ANK3: variants seen among roughly 807,000 people sequenced by gnomAD.
ANK3 encodes ankyrin-3.
In ANK3, 57 loss-of-function variants were observed where a neutral mutation model predicts 370.9. The observed-to-expected ratio is 0.15, with a 90% CI of 0.12 to 0.19. ANK3 has a LOEUF of 0.19. Ranked by LOEUF, ANK3 falls within the 10% of genes least tolerant of loss-of-function variation. ANK3 has a pLI of 1.00. For synonymous variants in ANK3, 1,929 were observed against 1,946.3 expected, an observed-to-expected ratio of 0.99 and a Z score of 0.23; for missense variants, 4,439 against 5,302.1, an observed-to-expected ratio of 0.84 and a Z score of 5.06.
At chr10:60,473,848 C>T (rs1177153411) in intron 2 of ANK3, among the ~76,000 whole-genome samples, 1 of 151,328 alleles carries the variant, frequency 6.6e-6, no homozygotes, top group East Asian at 1.9e-4. Flanking sequence ...TTTGAATAAA[C>T]AGGCTAGGTG....
chr10:60,554,208 A>AC (rs1329089085), intron 2 of ANK3, among the ~76,000 whole-genome samples: 5 of 151,948 alleles, frequency 3.3e-5, no homozygotes, highest in Non-Finnish European at 7.4e-5. Flanking sequence ...TATGCTTTTT[A>AC]TTTTTTTCAT....
intron 1 of ANK3, among the ~76,000 whole-genome samples, chr10:60,353,153 GTTTTGTTTTTT>G (rs1413730826): frequency 1.5e-5 from 2 of 135,868 alleles, no homozygotes; most frequent in Middle Eastern, 7.7e-3. Context: ...GCTAATTTTT[GTTTTGTTTTTT>G]TTTTTTTTTT....
chr10:60,377,242 C>A (rs980397372), intron 1 of ANK3, among the ~76,000 whole-genome samples: 2 of 152,214 alleles, frequency 1.3e-5, no homozygotes, highest in African/African-American at 4.8e-5. Flanking sequence ...TTCCTTTCAG[C>A]ATGTCCTGTC....
chr10:60,658,658 C>A (rs1308511497), intron 1 of ANK3, among the ~76,000 whole-genome samples: 1 of 152,130 alleles, frequency 6.6e-6, no homozygotes, highest in Non-Finnish European at 1.5e-5. Context: ...CAGCTGGTAT[C>A]ATTTCCCTTC....
intron 1 of ANK3, among the ~76,000 whole-genome samples, chr10:60,630,929 C>T (rs920136367): frequency 5.9e-5 from 9 of 152,072 alleles, no homozygotes; most frequent in East Asian, 1.9e-4. Flanking sequence ...GTGCCAAGGA[C>T]GTGGCACTGC....
chr10:60,469,380 T>TAC (rs1567067331), intron 2 of ANK3, among the ~76,000 whole-genome samples: 1 of 68,666 alleles, frequency 1.5e-5, no homozygotes, highest in African/African-American at 5.2e-5. Flanking sequence ...TATATATATA[T>TAC]ATATACCACT....
intron 4 of ANK3, among the ~76,000 whole-genome samples, chr10:60,274,487 A>G (rs1182538313): frequency 6.6e-6 from 1 of 152,180 alleles, no homozygotes; most frequent in East Asian, 1.9e-4. Flanking sequence ...TTATGCAGGT[A>G]GGACTTGTCC....
intron 28 of ANK3, among the ~76,000 whole-genome samples, chr10:60,091,564 G>C (rs191721711): frequency 1.3e-5 from 2 of 152,172 alleles, no homozygotes; most frequent in Admixed American, 1.3e-4. Flanking sequence ...CGTTTGAACA[G>C]GATGATTTGA....
At chr10:60,624,734 A>AAC (rs1383606206) in intron 1 of ANK3, among the ~76,000 whole-genome samples, 3 of 151,986 alleles carry the variant, frequency 2.0e-5, no homozygotes, top group African/African-American at 7.2e-5. Flanking sequence ...AAAAAAAAAA[A>AAC]AAAAAACTGG....
rs538205617 is a variant in ANK3 at position 60,267,031 on chromosome 10, C to G, written c.514-3011G>C. On this transcript the variant is annotated intron_variant, in intron 5 of 43. Coordinates refer to ENST00000280772, the MANE Select transcript of ANK3 (RefSeq NM_020987.5). Reference sequence around the variant, plus strand: ...GATGCAGTACACAGTAATACAAAAACGTTTTAAAAACCACAATTATACTTA... The same window carrying G: ...GATGCAGTACACAGTAATACAAAAAGGTTTTAAAAACCACAATTATACTTA... 2.6e-5 allele frequency among the ~76,000 whole-genome samples: 4 copies of G among 152,152 alleles called. No individual in the cohort carries two copies. In the South Asian group the frequency reaches 8.3e-4, roughly 32 times the overall value.
intron 2 of ANK3, among the ~76,000 whole-genome samples, chr10:60,483,228 A>G (rs535434000): frequency 6.6e-6 from 1 of 152,352 alleles, no homozygotes; most frequent in East Asian, 1.9e-4. Flanking sequence ...TTCAATCATC[A>G]TAAAACACCT....
chr10:60,447,405 C>T (rs1206614953), intron 2 of ANK3, among the ~76,000 whole-genome samples: 5 of 152,036 alleles, frequency 3.3e-5, no homozygotes, highest in Admixed American at 1.3e-4. Context: ...TAATTCTTCC[C>T]TCAAAAGCTT....
chr10:60,261,787 C>T, intron 7 of ANK3, 72 bp downstream of exon 7: 1 of 1,371,920 alleles, frequency 7.3e-7, no homozygotes, highest in Non-Finnish European at 1.0e-6. Context: ...TCCCAACATC[C>T]TCATGTTGGG....
At chr10:60,603,669 C>A (rs749415444) in intron 2 of ANK3, among the ~76,000 whole-genome samples, 2 of 152,084 alleles carry the variant, frequency 1.3e-5, no homozygotes, top group African/African-American at 4.8e-5. Flanking sequence ...AAACATGTTA[C>A]GAAAACCCAT....
intron 23 of ANK3, among the ~76,000 whole-genome samples, chr10:60,157,124 G>A (rs866426522): frequency 6.9e-5 from 10 of 143,956 alleles, no homozygotes; most frequent in South Asian, 2.3e-4. Flanking sequence ...TGCAACCTCC[G>A]CCTCCCAGGT....
chr10:60,472,223 T>C (rs961742993), intron 2 of ANK3, among the ~76,000 whole-genome samples: 1 of 152,146 alleles, frequency 6.6e-6, no homozygotes, highest in Non-Finnish European at 1.5e-5. Flanking sequence ...CAATCCTCTT[T>C]GCAATTACCT....
intron 2 of ANK3, among the ~76,000 whole-genome samples, chr10:60,599,390 C>T (rs750849960): frequency 2.0e-5 from 3 of 152,224 alleles, no homozygotes; most frequent in Admixed American, 6.5e-5. Flanking sequence ...TATTCGATAC[C>T]GCGCTTCTTT....
At chr10:60,249,786 G>A (rs1230664404) in intron 7 of ANK3, among the ~76,000 whole-genome samples, 1 of 152,094 alleles carries the variant, frequency 6.6e-6, no homozygotes, top group Admixed American at 6.6e-5. Flanking sequence ...CATCCTCAAC[G>A]AGAATGAGGC....
intron 8 of ANK3, among the ~76,000 whole-genome samples, chr10:60,222,560 G>A (rs1360770139): frequency 7.9e-5 from 12 of 152,002 alleles, no homozygotes; most frequent in Non-Finnish European, 1.3e-4. Flanking sequence ...CCTGACACAC[G>A]GTTCTGATTT....
Sources: allele counts gnomAD v4.1 joint callset (sites outside exome capture counted in the v4.1 genomes callset), GRCh38; gene constraint gnomAD v4.1.1; transcripts MANE v1.5; gene names NCBI Gene and HGNC (gene_info 2026-07-23, HGNC 2026-07-21).